The following NSMAF variants were observed in gnomAD, a reference collection of about 807,000 sequenced individuals.
NSMAF encodes the protein protein FAN.
NSMAF carries 90 observed loss-of-function variants against 134.9 expected under a neutral mutation model. The observed-to-expected ratio is 0.67, with a 90% CI of 0.56 to 0.79. The LOEUF (loss-of-function observed/expected upper bound fraction) is 0.79, where lower values mean the gene tolerates loss of function less well. NSMAF is among the 30% of genes least tolerant of loss of function. NSMAF has a pLI of 0.00. For missense variants in NSMAF, 1,010 were observed against 1,119.0 expected (o/e 0.90, Z 1.39); for synonymous variants, 358 against 389.6 (o/e 0.92, Z 0.96).
At chr8:58,631,715 G>A (rs578023585) in intron 5 of NSMAF, among the ~76,000 whole-genome samples, 169 bp from the exon 6 acceptor site, 1 of 152,078 alleles carries the variant, frequency 6.6e-6, no homozygotes, top group South Asian at 2.1e-4. Flanking sequence ...TTAAAGTACT[G>A]GTGTTAAAAT....
chr8:58,598,751 A>T (rs2634488), intron 19 of NSMAF, among the ~76,000 whole-genome samples: 2 of 152,018 alleles, frequency 1.3e-5, no homozygotes, highest in Admixed American at 1.3e-4. Context: ...GGCTGGGCGC[A>T]GTGGCTCACA....
At chr8:58,646,303 C>T (rs948496517) in intron 1 of NSMAF, among the ~76,000 whole-genome samples, 3 of 152,136 alleles carry the variant, frequency 2.0e-5, no homozygotes, top group Admixed American at 6.5e-5. Context: ...CTTCTCTTTC[C>T]TAATCGCCTC....
rs536528229 is a variant in NSMAF, at chr8:58,620,679, T to C, written c.557+2541A>G. Among the ~76,000 whole-genome samples, 4 of 152,304 alleles carry C rather than the reference T, an allele frequency of 2.6e-5. No individual in the cohort carries two copies. The South Asian group carries it at 8.3e-4, about 32-fold the overall frequency. On this transcript the variant is annotated intron_variant, in intron 9 of 30. Coordinates refer to ENST00000038176, the MANE Select transcript of NSMAF (RefSeq NM_003580.4). ...AGACAGGCATTTAAATTAACTGTTA[T>C]TGAAAACTCTTTTGCTTGTTACTGT...
chr8:58,589,087 T>C (rs1456513555), intron 26 of NSMAF, among the ~76,000 whole-genome samples: 1 of 150,620 alleles, frequency 6.6e-6, no homozygotes, highest in Non-Finnish European at 1.5e-5. Context: ...AGAATGTACA[T>C]ATCACAAAGT....
At chr8:58,618,438 T>A (rs1475487977) in intron 9 of NSMAF, among the ~76,000 whole-genome samples, 1 of 151,934 alleles carries the variant, frequency 6.6e-6, no homozygotes, top group Non-Finnish European at 1.5e-5. Flanking sequence ...GAATTATTGC[T>A]AATGGAATAT....
At chr8:58,642,961 A>C in intron 2 of NSMAF, 23 bp downstream of exon 2, 4 of 1,540,964 alleles carry the variant, frequency 2.6e-6, no homozygotes, top group Non-Finnish European at 3.6e-6. Flanking sequence ...TGTTTGTCCA[A>C]GGAGATACCG....
chr8:58,622,391 C>T (rs1396907207), intron 9 of NSMAF, among the ~76,000 whole-genome samples: 1 of 151,572 alleles, frequency 6.6e-6, no homozygotes, highest in Non-Finnish European at 1.5e-5. Context: ...CACCACCATG[C>T]CCAACTAATT....
At chr8:58,623,998 C>T (rs569986393) in intron 6 of NSMAF, among the ~76,000 whole-genome samples, 3 of 151,220 alleles carry the variant, frequency 2.0e-5, no homozygotes, top group East Asian at 3.9e-4. Flanking sequence ...GTTTAGTTTG[C>T]CCTTCTTGTT....
chr8:58,627,013 G>T (rs1806947862), intron 6 of NSMAF, among the ~76,000 whole-genome samples: 1 of 152,094 alleles, frequency 6.6e-6, no homozygotes, highest in South Asian at 2.1e-4. Context: ...CTTCTTTTGA[G>T]AATTGTCTAT....
At chr8:58,590,253 G>A (rs1363480694) in intron 24 of NSMAF, among the ~76,000 whole-genome samples, 179 bp from the exon 25 acceptor site, 1 of 152,074 alleles carries the variant, frequency 6.6e-6, no homozygotes, top group Admixed American at 6.6e-5. Context: ...TTTCCCAAAT[G>A]CAGGAAGGAA....
intron 11 of NSMAF, among the ~76,000 whole-genome samples, chr8:58,607,038 T>C (rs1222757508): frequency 1.3e-5 from 2 of 152,108 alleles, no homozygotes; most frequent in African/African-American, 4.8e-5. Context: ...TTAAGTAAAA[T>C]AGGAAGCAAA....
chr8:58,634,740 C>T (rs1563540221), intron 5 of NSMAF, among the ~76,000 whole-genome samples: 1 of 152,050 alleles, frequency 6.6e-6, no homozygotes, highest in African/African-American at 2.4e-5. Context: ...GTGGTGGGTG[C>T]ATAAATATAA....
intron 12 of NSMAF, 48 bp from the exon 13 acceptor site, chr8:58,603,434 A>G: frequency 6.3e-7 from 1 of 1,584,492 alleles, no homozygotes; most frequent in Non-Finnish European, 8.6e-7. Context: ...TCGCAAACTT[A>G]GTATGCAAAA....
At chr8:58,649,689 TAA>T (rs1034600406) in intron 1 of NSMAF, among the ~76,000 whole-genome samples, 4 of 152,172 alleles carry the variant, frequency 2.6e-5, no homozygotes, top group Non-Finnish European at 5.9e-5. Flanking sequence ...TGTGGTTGTT[TAA>T]AAGAGTCCAG....
intron 6 of NSMAF, among the ~76,000 whole-genome samples, chr8:58,627,685 C>CTT (rs1417716686): frequency 1.3e-5 from 2 of 152,110 alleles, no homozygotes; most frequent in Admixed American, 1.3e-4. Flanking sequence ...ACAAGAAAAA[C>CTT]TATAAAACAC....
intron 1 of NSMAF, among the ~76,000 whole-genome samples, chr8:58,649,534 CAT>C (rs781688500): frequency 2.0e-5 from 3 of 152,160 alleles, no homozygotes; most frequent in Non-Finnish European, 4.4e-5. Context: ...CTCCGAATCT[CAT>C]GTTAATATGG....
intron 26 of NSMAF, among the ~76,000 whole-genome samples, chr8:58,589,144 T>A (rs1805963770): frequency 6.7e-6 from 1 of 148,302 alleles, no homozygotes; most frequent in Non-Finnish European, 1.5e-5. Flanking sequence ...GTTTAAAAAA[T>A]ATATAATATG....
chr8:58,639,297 A>AAAGAAG (rs57204135), intron 2 of NSMAF, among the ~76,000 whole-genome samples: 7 of 147,398 alleles, frequency 4.7e-5, no homozygotes, highest in East Asian at 4.0e-4. Flanking sequence ...AAAAAAAAAA[A>AAAGAAG]AAGAAGAAGA....
In NSMAF at chr8:58,635,309, T is replaced by C. The variant is rs375311811; in HGVS notation, c.292A>G (p.Thr98Ala). 2.5e-6 allele frequency: 4 copies of C among 1,611,504 alleles called. No individual in the cohort carries two copies. The highest frequency in any genetic ancestry group is 3.4e-6 in the Non-Finnish European group (4 of 1,178,734). ...HGENGANRHF[T>A]KAKSGGISLI... is the part of the protein sequence containing the mutation. The stretch of plus-strand genomic sequence containing the variant: ...ACAGTGGTGAAAATGACATACTTTG[T>C]GAAGTGTCTATTGGCTCCATTTTCT... The change falls in exon 4 of 31, where the codon ACA becomes GCA. Residue 98 changes from threonine to alanine, a missense_variant. Coordinates refer to ENST00000038176, the MANE Select transcript of NSMAF (RefSeq NM_003580.4).
Sources: gnomAD v4.1 joint callset for allele counts (sites outside exome capture counted in the v4.1 genomes callset) on GRCh38, gnomAD v4.1.1 for gene constraint, MANE v1.5 for transcripts, NCBI Gene and HGNC (gene_info 2026-07-23, HGNC 2026-07-21) for gene names.